MLLT3: variants seen among roughly 807,000 people sequenced by gnomAD.
MLLT3 encodes protein AF-9.
MLLT3 carries 4 observed loss-of-function variants against 53.2 expected under a neutral mutation model. The observed-to-expected ratio is 0.08, with a 90% CI of 0.04 to 0.17. MLLT3 has a LOEUF of 0.17. Ranked by LOEUF, MLLT3 falls within the 10% of genes least tolerant of loss-of-function variation. The pLI, the probability that MLLT3 is intolerant of heterozygous loss-of-function variation, is 1.00. For synonymous variants in MLLT3, 283 were observed against 230.6 expected (o/e 1.23, Z -2.06); for missense variants, 569 against 684.0 (o/e 0.83, Z 1.87).
intron 5 of MLLT3, among the ~76,000 whole-genome samples, chr9:20,401,989 A>C (rs1455323518): frequency 1.3e-5 from 2 of 152,132 alleles, no homozygotes; most frequent in Non-Finnish European, 2.9e-5. Context: ...AAGAAGATGT[A>C]AAAAATATAT....
At chr9:20,622,065 C>CGGGGGGGGGGGGGGG (rs71334542) in intron 1 of MLLT3, 180 bp downstream of exon 1, 1 of 58,854 alleles carries the variant, frequency 1.7e-5, no homozygotes, top group Admixed American at 1.7e-4. Flanking sequence ...GTGTGCGCGC[C>CGGGGGGGGGGGGGGG]GGGGGGGGGT....
chr9:20,511,879 G>A (rs1817759762), intron 2 of MLLT3, among the ~76,000 whole-genome samples: 1 of 152,110 alleles, frequency 6.6e-6, no homozygotes, highest in Non-Finnish European at 1.5e-5. Context: ...AGCCACAGCA[G>A]ACATTAATAA....
At chr9:20,490,902 G>A (rs957268569) in intron 2 of MLLT3, among the ~76,000 whole-genome samples, 1 of 151,860 alleles carries the variant, frequency 6.6e-6, no homozygotes, top group Non-Finnish European at 1.5e-5. Flanking sequence ...TGACTAGAGT[G>A]GTTTACTGTA....
intron 8 of MLLT3, among the ~76,000 whole-genome samples, chr9:20,357,126 A>G (rs1448175178): frequency 6.6e-6 from 1 of 152,244 alleles, no homozygotes; most frequent in Non-Finnish European, 1.5e-5. Context: ...ATTTTAAACC[A>G]GTTTAACTGG....
rs191251947 is a variant in MLLT3, at chr9:20,573,266, A to T, written c.193+47388T>A. On this transcript the variant is annotated intron_variant, in intron 2 of 10. Coordinates refer to ENST00000380338, the MANE Select transcript of MLLT3 (RefSeq NM_004529.4). ...GAAATTACTGCTCACTGCAACCTCA[A>T]ATTCCAGGGCTGAAGTGATCCTCCT... 2.6e-3 allele frequency among the ~76,000 whole-genome samples: 395 copies of T among 151,972 alleles called. 2 individuals carry two copies. Among genetic ancestry groups the T allele is most frequent in the African/African-American group, 9.0e-3 (374 of 41,454 alleles).
chr9:20,561,264 T>C (rs754259512), intron 2 of MLLT3, among the ~76,000 whole-genome samples: 1 of 152,130 alleles, frequency 6.6e-6, no homozygotes, highest in Non-Finnish European at 1.5e-5. Context: ...ACTATATATA[T>C]AGACAAAAAA....
At chr9:20,453,278 T>G (rs1020594269) in intron 3 of MLLT3, among the ~76,000 whole-genome samples, 2 of 152,102 alleles carry the variant, frequency 1.3e-5, no homozygotes, top group African/African-American at 4.8e-5. Flanking sequence ...AAATAAAATT[T>G]GGCCAGTTGG....
rs1027758342 is a variant in MLLT3 at position 20,499,542 on chromosome 9, T to C, written c.194-42756A>G. 4.6e-5 allele frequency among the ~76,000 whole-genome samples: 7 copies of C among 152,208 alleles called. No individual in the cohort carries two copies. In the East Asian group the frequency reaches 1.2e-3, roughly 25 times the overall value. On this transcript the variant is annotated intron_variant, in intron 2 of 10. Transcript: ENST00000380338. Reference sequence around the variant, plus strand: ...TTATTTGACATAAGCTCTGACCTCCTTGAAACAGTCCATTTTTGCTGCAAT... The same window carrying C: ...TTATTTGACATAAGCTCTGACCTCCCTGAAACAGTCCATTTTTGCTGCAAT...
At chr9:20,469,922 A>T (rs1458353708) in intron 2 of MLLT3, among the ~76,000 whole-genome samples, 2 of 152,068 alleles carry the variant, frequency 1.3e-5, no homozygotes, top group African/African-American at 4.8e-5. Context: ...TTGTAATTTA[A>T]AAATAAATTC....
chr9:20,398,107 A>C (rs1339040512), intron 5 of MLLT3, among the ~76,000 whole-genome samples: 2 of 151,802 alleles, frequency 1.3e-5, no homozygotes, highest in Admixed American at 6.6e-5. Context: ...TTTAATTTTT[A>C]ATTTTTTTTT....
chr9:20,455,307 T>C (rs771792106), intron 3 of MLLT3, among the ~76,000 whole-genome samples: 1 of 152,236 alleles, frequency 6.6e-6, no homozygotes, highest in Non-Finnish European at 1.5e-5. Context: ...AGATCACGAA[T>C]CTGGTTTTAA....
At chr9:20,609,665 T>C (rs2131206667) in intron 2 of MLLT3, among the ~76,000 whole-genome samples, 1 of 152,234 alleles carries the variant, frequency 6.6e-6, no homozygotes, top group East Asian at 1.9e-4. Flanking sequence ...AATGCTCCAA[T>C]CTACAAGTAA....
intron 2 of MLLT3, among the ~76,000 whole-genome samples, chr9:20,503,330 C>T (rs1008325145): frequency 1.3e-5 from 2 of 152,138 alleles, no homozygotes; most frequent in African/African-American, 4.8e-5. Flanking sequence ...CAGCATGCTG[C>T]TGGTATAAAA....
At chr9:20,584,166 T>C (rs534785194) in intron 2 of MLLT3, among the ~76,000 whole-genome samples, 5 of 152,212 alleles carry the variant, frequency 3.3e-5, no homozygotes, top group Non-Finnish European at 7.3e-5. Context: ...GCCACCAGTC[T>C]CTCTGCTAAA....
intron 2 of MLLT3, among the ~76,000 whole-genome samples, chr9:20,569,153 A>G (rs1467344672): frequency 6.6e-6 from 1 of 152,298 alleles, no homozygotes; most frequent in Admixed American, 6.5e-5. Context: ...AGAAGAATGA[A>G]AAGTTCCATA....
At chr9:20,570,851 C>T (rs1447734926) in intron 2 of MLLT3, among the ~76,000 whole-genome samples, 1 of 151,736 alleles carries the variant, frequency 6.6e-6, no homozygotes, top group African/African-American at 2.4e-5. Context: ...CTCTAACTTC[C>T]CACTTAGAAA....
At chr9:20,363,369 C>G in intron 7 of MLLT3, 107 bp downstream of exon 7, 2 of 1,327,368 alleles carry the variant, frequency 1.5e-6, no homozygotes, top group Non-Finnish European at 2.1e-6. Flanking sequence ...ATGTGACCAT[C>G]TACTGCCGTT....
chr9:20,365,720 A>G lies in MLLT3; in HGVS notation c.1150T>C (p.Ser384Pro). Residue 384 changes from serine to proline, a missense_variant, in exon 6 of 11, where the codon TCC (serine) becomes CCC (proline). Transcript: ENST00000380338. ...AAGCTGGAGCTGGAGCTGGAGCTGG[A>G]GCTGGCAGGACTGGGTTGTTCAGAC... is the stretch of plus-strand genomic sequence containing the variant. ...SDSEQPSPAS[S>P]SSSSSSSFTP... 2 of 1,614,174 alleles carry G rather than the reference A, an allele frequency of 1.2e-6. No homozygotes were observed. The highest frequency in any genetic ancestry group is 1.7e-6 in the Non-Finnish European group (2 of 1,180,018).
At chr9:20,560,630 G>C (rs916161428) in intron 2 of MLLT3, among the ~76,000 whole-genome samples, 1 of 152,180 alleles carries the variant, frequency 6.6e-6, no homozygotes, top group Non-Finnish European at 1.5e-5. Flanking sequence ...AAGAAGCTGG[G>C]TGTGAAGGTC....
Sources: gnomAD v4.1 joint callset for allele counts (sites outside exome capture counted in the v4.1 genomes callset) on GRCh38, gnomAD v4.1.1 for gene constraint, MANE v1.5 for transcripts, NCBI Gene and HGNC (gene_info 2026-07-23, HGNC 2026-07-21) for gene names.